Variants in TRNAU1AP observed in about 807,000 individuals in gnomAD.
TRNAU1AP encodes the protein tRNA selenocysteine 1-associated protein 1.
Under a neutral mutation model 43.3 loss-of-function variants are expected in TRNAU1AP, and 33 were observed. The observed-to-expected ratio is 0.76, with a 90% CI of 0.58 to 1.02. The LOEUF is 1.02. Among genes scored for constraint, TRNAU1AP ranks in the 50% least tolerant of loss-of-function variants. The pLI is 0.00. For missense variants in TRNAU1AP, 290 were observed against 362.7 expected, an observed-to-expected ratio of 0.80 and a Z score of 1.63; for synonymous variants, 143 against 129.1, an observed-to-expected ratio of 1.11 and a Z score of -0.73.
At chr1:28,555,740 C>T (rs897730377) in intron 2 of TRNAU1AP, among the ~76,000 whole-genome samples, 3 of 152,120 alleles carry the variant, frequency 2.0e-5, no homozygotes, top group African/African-American at 4.8e-5. Flanking sequence ...AAAGGTTTTT[C>T]TGACTGGTAG....
rs763267403 is a variant in TRNAU1AP at position 28,572,768 on chromosome 1, A to G, written c.727+868A>G. 4.3e-3 allele frequency among the ~76,000 whole-genome samples: 645 copies of G among 151,068 alleles called. 5 individuals carry two copies. The highest frequency in any genetic ancestry group is 3.6e-3 in the Non-Finnish European group (242 of 67,784). ...GCTAACACGGTGAAACCCCGTCTCT[A>G]CTAAAAAATAGAAAAAATTAGCCGG... On this transcript the variant is annotated intron_variant, in intron 8 of 8. Coordinates refer to ENST00000373830, the MANE Select transcript of TRNAU1AP (RefSeq NM_017846.5).
intron 4 of TRNAU1AP, among the ~76,000 whole-genome samples, chr1:28,562,584 G>GTT (rs1300578163): frequency 3.5e-5 from 5 of 144,322 alleles, no homozygotes; most frequent in Non-Finnish European, 6.1e-5. Flanking sequence ...GCACTTTTGT[G>GTT]TTTTTTTTTT....
intron 5 of TRNAU1AP, among the ~76,000 whole-genome samples, chr1:28,566,507 C>T (rs1041356891): frequency 1.3e-5 from 2 of 151,744 alleles, no homozygotes; most frequent in Non-Finnish European, 2.9e-5. Flanking sequence ...AATCCCAGCA[C>T]TTTGGGAGGC....
chr1:28,569,691 CAA>C (rs772239857), intron 6 of TRNAU1AP, among the ~76,000 whole-genome samples: 9 of 75,662 alleles, frequency 1.2e-4, no homozygotes, highest in Admixed American at 4.6e-4. Flanking sequence ...GACTCCATCT[CAA>C]AAAAAAAAAA....
rs1227216747 is a variant in TRNAU1AP at position 28,574,084 on chromosome 1, T to TC, written c.727+2184_727+2185insC. 2.7e-5 allele frequency among the ~76,000 whole-genome samples: 4 copies of TC among 150,412 alleles called. No individual in the cohort carries two copies. The East Asian group carries it at 7.7e-4, about 29-fold the overall frequency. On this transcript the variant is annotated intron_variant, in intron 8 of 8. Coordinates refer to ENST00000373830, the MANE Select transcript of TRNAU1AP (RefSeq NM_017846.5). ...CATAACGAGACCCCATCTCTTTTTT[T>TC]TTTTTTTTTTTTGGGAGACGGAGTC... is the stretch of plus-strand genomic sequence containing the variant.
intron 5 of TRNAU1AP, among the ~76,000 whole-genome samples, chr1:28,566,451 T>C (rs552323051): frequency 6.7e-6 from 1 of 149,690 alleles, no homozygotes; most frequent in Admixed American, 6.7e-5. Flanking sequence ...AACCCAGGTC[T>C]CCACTTTAAA....
chr1:28,567,275 G>A lies in TRNAU1AP; in HGVS notation c.411-19G>A. ...TTTAATCACATTTGTGATCTAAATTGTATATTTTTTTCATGCAGGGGTTAT... is the reference window on the plus strand; with the variant it reads ...TTTAATCACATTTGTGATCTAAATTATATATTTTTTTCATGCAGGGGTTAT... On this transcript the variant is annotated intron_variant, in intron 5 of 8. Transcript: ENST00000373830. 1 of 1,610,292 alleles carries A rather than the reference G, an allele frequency of 6.2e-7. No individual in the cohort carries two copies. Among genetic ancestry groups the A allele is most frequent in the Non-Finnish European group, 8.5e-7 (1 of 1,178,900 alleles).
intron 2 of TRNAU1AP, among the ~76,000 whole-genome samples, chr1:28,557,278 G>A (rs192187672): frequency 2.6e-3 from 397 of 151,610 alleles, no homozygotes; most frequent in African/African-American, 9.2e-3. Context: ...AAATTAGCCA[G>A]GCATGGTGGC....
chr1:28,558,900 T>C (rs1463194098), intron 2 of TRNAU1AP, among the ~76,000 whole-genome samples: 1 of 152,140 alleles, frequency 6.6e-6, no homozygotes, highest in Non-Finnish European at 1.5e-5. Context: ...ACAATGCTTA[T>C]ATCACACTAA....
At chr1:28,562,960 A>T (rs1665447897) in intron 4 of TRNAU1AP, among the ~76,000 whole-genome samples, 1 of 144,120 alleles carries the variant, frequency 6.9e-6, no homozygotes, top group Non-Finnish European at 1.5e-5. Flanking sequence ...CAGTGGCATG[A>T]TCTTGGCTCA....
At chr1:28,565,713 G>T (rs1235252842) in intron 5 of TRNAU1AP, 4 of 151,922 alleles carry the variant, frequency 2.6e-5, no homozygotes, top group Non-Finnish European at 5.9e-5. Flanking sequence ...CTTGAATCCG[G>T]GAGGCAGAGG....
chr1:28,570,571 T>C (rs1182643403), intron 6 of TRNAU1AP, among the ~76,000 whole-genome samples: 1 of 151,580 alleles, frequency 6.6e-6, no homozygotes, highest in Non-Finnish European at 1.5e-5. Flanking sequence ...TTTTTTTTTT[T>C]AAACAGGATA....
At chr1:28,574,894 G>A (rs1292990646) in intron 8 of TRNAU1AP, among the ~76,000 whole-genome samples, 3 of 152,130 alleles carry the variant, frequency 2.0e-5, no homozygotes, top group African/African-American at 4.8e-5. Context: ...GTCCTCTCAT[G>A]TGATGCCAAC....
chr1:28,561,659 C>T (rs532409866), intron 4 of TRNAU1AP, among the ~76,000 whole-genome samples: 1 of 152,166 alleles, frequency 6.6e-6, no homozygotes, highest in Non-Finnish European at 1.5e-5. Context: ...CCTTGTTAGC[C>T]AGGTGCAGTG....
intron 8 of TRNAU1AP, among the ~76,000 whole-genome samples, chr1:28,576,749 G>A (rs1475253806): frequency 1.3e-5 from 2 of 152,218 alleles, no homozygotes; most frequent in Non-Finnish European, 2.9e-5. Flanking sequence ...ATAGGCATGT[G>A]CCACCATGCC....
chr1:28,553,606 C>A (rs748420603), intron 1 of TRNAU1AP, 34 bp from the exon 2 acceptor site: 1 of 1,603,980 alleles, frequency 6.2e-7, no homozygotes, highest in East Asian at 2.2e-5. Context: ...GCCCGGCCGC[C>A]GGCCTGAGCC....
chr1:28,558,144 G>A (rs188759667), intron 2 of TRNAU1AP, among the ~76,000 whole-genome samples: 5 of 129,416 alleles, frequency 3.9e-5, no homozygotes, highest in African/African-American at 1.2e-4. Context: ...TGATCCACCC[G>A]CCTTGGCCTC....
In TRNAU1AP at chr1:28,567,371, T is replaced by C; in HGVS notation, c.488T>C (p.Leu163Pro). Residue 163 changes from leucine to proline, a missense_variant, in exon 6 of 9, where the codon CTG becomes CCG. By Grantham distance (98) the Leu-to-Pro change is moderately conservative. Coordinates refer to ENST00000373830, the MANE Select transcript of TRNAU1AP (RefSeq NM_017846.5). Reference sequence around the variant, plus strand: ...ACGGAGTGCCAGGGAGCAGTGGGACTGGGGTCTAAGCCTGTGCGGCTGAGC... The same window carrying C: ...ACGGAGTGCCAGGGAGCAGTGGGACCGGGGTCTAAGCCTGTGCGGCTGAGC... ...ALTECQGAVG[L>P]GSKPVRLSVA... 3 of 1,613,954 alleles carry C rather than the reference T, an allele frequency of 1.9e-6. No individual in the cohort carries two copies. The highest frequency in any genetic ancestry group is 2.5e-6 in the Non-Finnish European group (3 of 1,179,968).
intron 8 of TRNAU1AP, among the ~76,000 whole-genome samples, chr1:28,573,335 T>C (rs1665703139): frequency 1.3e-5 from 2 of 149,374 alleles, no homozygotes; most frequent in Non-Finnish European, 3.0e-5. Context: ...AGCCCATTAT[T>C]AATTTTTTAA....
Sources: gnomAD v4.1 joint callset for allele counts (sites outside exome capture counted in the v4.1 genomes callset) on GRCh38, gnomAD v4.1.1 for gene constraint, MANE v1.5 for transcripts, NCBI Gene and HGNC (gene_info 2026-07-23, HGNC 2026-07-21) for gene names.